SUN2: variants seen among roughly 807,000 people sequenced by gnomAD.
SUN2 encodes Sad1 and UNC84 domain containing 2.
In SUN2, 60 loss-of-function variants were observed where a neutral mutation model predicts 100.0. The observed-to-expected ratio is 0.60, with a 90% CI of 0.49 to 0.74. SUN2 has a LOEUF of 0.74. SUN2 is among the 30% of genes least tolerant of loss of function. The pLI, the probability that SUN2 is intolerant of heterozygous loss-of-function variation, is 0.00. For synonymous variants in SUN2, 367 were observed against 403.3 expected (o/e 0.91, Z 1.08); for missense variants, 834 against 954.6 (o/e 0.87, Z 1.66).
intron 8 of SUN2, among the ~76,000 whole-genome samples, chr22:38,744,264 A>C (rs1785150752): frequency 1.4e-5 from 2 of 144,790 alleles, no homozygotes; most frequent in Non-Finnish European, 3.0e-5. Context: ...TCTGTCTCAA[A>C]AAAAAAAAAA....
intron 6 of SUN2, 28 bp downstream of exon 6, chr22:38,749,738 T>A: frequency 6.2e-7 from 1 of 1,609,272 alleles, no homozygotes; most frequent in Non-Finnish European, 8.5e-7. Flanking sequence ...GCCTTGCGAT[T>A]TATTGGCAAG....
chr22:38,751,488 T>C, intron 2 of SUN2, 115 bp from the exon 3 acceptor site: 1 of 1,154,862 alleles, frequency 8.7e-7, no homozygotes, highest in Non-Finnish European at 1.2e-6. Context: ...GTTCCCTTGT[T>C]GCTAGGCAAC....
At chr22:38,749,487 C>T (rs1285309902) in intron 6 of SUN2, among the ~76,000 whole-genome samples, 1 of 152,202 alleles carries the variant, frequency 6.6e-6, no homozygotes, top group Admixed American at 6.5e-5. Context: ...CACGGCTAGA[C>T]TAGTGTGGCG....
At chr22:38,750,461 A>G (rs1168152154) in intron 4 of SUN2, 141 bp from the exon 5 acceptor site, 1 of 1,474,682 alleles carries the variant, frequency 6.8e-7, no homozygotes. Flanking sequence ...GCAGTAAGGA[A>G]TGAAATGGGA....
intron 8 of SUN2, among the ~76,000 whole-genome samples, 181 bp downstream of exon 8, chr22:38,745,503 G>A (rs1035998321): frequency 2.0e-5 from 3 of 152,252 alleles, no homozygotes; most frequent in Non-Finnish European, 4.4e-5. Context: ...AAGGAACAAA[G>A]CAGACAAGAT....
rs1266085388 is a variant in SUN2 at position 38,737,343 on chromosome 22, A to G, written c.2040+830T>C. 6.6e-6 allele frequency among the ~76,000 whole-genome samples: 1 copy of G among 151,066 alleles called. No individual in the cohort carries two copies. Among genetic ancestry groups the G allele is most frequent in the African/African-American group, 2.4e-5 (1 of 41,042 alleles). On this transcript the variant is annotated intron_variant, in intron 17 of 17. Transcript: ENST00000689035. This position sits in a 1 kb window ranked among gnomAD's most constrained non-coding sequence, Gnocchi z 4.1. ...TGGCTTCTTCCTCCCACCCCATCCAACTGGACATTCACGACCCTCCCTGCT... is the reference window on the plus strand; with the variant it reads ...TGGCTTCTTCCTCCCACCCCATCCAGCTGGACATTCACGACCCTCCCTGCT...
chr22:38,743,745 C>T (rs1282471246), intron 8 of SUN2: 1 of 152,066 alleles, frequency 6.6e-6, no homozygotes, highest in Non-Finnish European at 1.5e-5. Context: ...ATTTTTTTAA[C>T]TTACCCTTTT....
chr22:38,739,662 C>T lies in SUN2; in HGVS notation c.1578+60G>A. The T allele has an allele frequency of 5.7e-6, 9 of 1,575,020 alleles. No individual in the cohort carries two copies. The highest frequency in any genetic ancestry group is 1.2e-5 in the South Asian group (1 of 86,504). On this transcript the variant is annotated intron_variant, in intron 13 of 17. Coordinates refer to ENST00000689035, the MANE Select transcript of SUN2 (RefSeq NM_015374.3). The surrounding 1 kb of genome is among the most constrained non-coding windows in gnomAD (Gnocchi z 6.7). ...AGGGAGCTGGCAGTGTGGGACTGTC[C>T]AGGGCTCCCAGGGAGGAGAGCTGTG...
rs1437155964 is a variant in SUN2 at position 38,739,254 on chromosome 22, T to G, written c.1663+88A>C. Reference sequence around the variant, plus strand: ...TCTGCTGATCCTGAGCTTTGCTTGCTCTGCCCCACCACCAACCTGGTAGAT... The same window carrying G: ...TCTGCTGATCCTGAGCTTTGCTTGCGCTGCCCCACCACCAACCTGGTAGAT... On this transcript the variant is annotated intron_variant, in intron 14 of 17. Coordinates refer to ENST00000689035, the MANE Select transcript of SUN2 (RefSeq NM_015374.3). The surrounding 1 kb of genome is among the most constrained non-coding windows in gnomAD (Gnocchi z 6.7). 7.0e-7 allele frequency: 1 copy of G among 1,426,662 alleles called. No individual in the cohort carries two copies. Among genetic ancestry groups the G allele is most frequent in the East Asian group, 2.3e-5 (1 of 43,912 alleles). The allele number at this position is 1,426,662 out of a possible 1,614,324, so 88.4% of individuals were successfully genotyped here. A position where few individuals can be genotyped will look rare whatever the true frequency, so the allele number is the denominator to read the frequency against.
At position 38,752,563 on chromosome 22, in the gene SUN2, G is replaced by T; in HGVS notation, c.66C>A (p.Ser22Arg). The part of the protein sequence containing the change: ...SQGDDDGSSS[S>R]GGSSVAGSQS... ...GACTCCCAGCCACCGAGCTCCCTCC[G>T]CTGCTGCTGCTGCCGTCATCGTCAC... The change falls in exon 2 of 18, where the codon AGC (serine) becomes AGA (arginine). Residue 22 changes from serine (S) to arginine (R), a missense_variant. Ser to Arg is a moderately radical substitution (Grantham distance 110, BLOSUM62 -1). This residue lies in a region of SUN2 where 559 missense variants were observed against 597.7 expected (regional missense o/e 0.94). Coordinates refer to ENST00000689035, the MANE Select transcript of SUN2 (RefSeq NM_015374.3). The T allele has an allele frequency of 1.2e-6, 2 of 1,612,446 alleles. No individual in the cohort carries two copies. The highest frequency in any genetic ancestry group is 8.5e-7 in the Non-Finnish European group (1 of 1,179,342).
chr22:38,745,914 C>G (rs1427767192), intron 7 of SUN2, 103 bp from the exon 8 acceptor site: 20 of 1,496,758 alleles, frequency 1.3e-5, no homozygotes, highest in Non-Finnish European at 1.6e-5. Context: ...TGGCCTGTCC[C>G]ACTCGTGGAG....
intron 9 of SUN2, among the ~76,000 whole-genome samples, 169 bp from the exon 10 acceptor site, chr22:38,741,740 C>T (rs2092859497): frequency 1.3e-5 from 2 of 152,262 alleles, no homozygotes; most frequent in South Asian, 4.1e-4. Context: ...CCACTGCACA[C>T]CTCTGCGGTG....
chr22:38,749,044 C>A (rs1172567732), intron 6 of SUN2: 4 of 436,920 alleles, frequency 9.2e-6, no homozygotes, highest in East Asian at 3.3e-5. Context: ...TTGAAAAACT[C>A]AAAAATTTTT....
chr22:38,736,357 C>T lies in SUN2; in HGVS notation c.2064G>A (p.Gln688=), dbSNP rs775998616. The T allele has an allele frequency of 1.2e-6, 2 of 1,613,890 alleles. No homozygotes were observed. The highest frequency in any genetic ancestry group is 1.7e-6 in the Non-Finnish European group (2 of 1,179,844). Residue 688 remains glutamine, a synonymous_variant, in exon 18 of 18, where the codon CAG becomes CAA. Transcript: ENST00000689035. ...TAGTCAGGATCCGCAGCTCCACCAC[C>T]TGGTACGTGGCCATCGTAGGGGCCT... ...HFQAPTMATY[Q]VVELRILTNW...
intron 2 of SUN2, among the ~76,000 whole-genome samples, chr22:38,752,288 C>T (rs1180170424): frequency 6.6e-6 from 1 of 152,244 alleles, no homozygotes; most frequent in Non-Finnish European, 1.5e-5. Context: ...ATGAGGGCAG[C>T]AGCCCCGGCT....
Position 38,739,102 on chromosome 22 carries a change from A to T in SUN2, c.1664-114T>A. ...GGCAGATGCCCCAGGCCTAGCCTTT[A>T]ACCCTAACCGAGATGCTCAGAGCAG... On this transcript the variant is annotated intron_variant, in intron 14 of 17. Coordinates refer to ENST00000689035, the MANE Select transcript of SUN2 (RefSeq NM_015374.3). This position sits in a 1 kb window ranked among gnomAD's most constrained non-coding sequence, Gnocchi z 6.7. 1 of 1,115,454 alleles carries T rather than the reference A, an allele frequency of 9.0e-7. No individual in the cohort carries two copies. Among genetic ancestry groups the T allele is most frequent in the Non-Finnish European group, 1.3e-6 (1 of 756,848 alleles). 69.1% of individuals were successfully genotyped at this position (1,115,454 alleles called of 1,614,324 possible).
At position 38,738,402 on chromosome 22, in the gene SUN2, A is replaced by G; in HGVS notation, c.1948-137T>C. ...ACAAGTCACTTCACTCTCTTGTGCC[A>G]CAGTTTCTGCCTCCAAAGCCTAAGG... On this transcript the variant is annotated intron_variant, in intron 16 of 17. Transcript: ENST00000689035. The surrounding 1 kb of genome is among the most constrained non-coding windows in gnomAD (Gnocchi z 6.6). 3 of 1,092,862 alleles carry G rather than the reference A, an allele frequency of 2.7e-6. No homozygotes were observed. Among genetic ancestry groups the G allele is most frequent in the Non-Finnish European group, 4.0e-6 (3 of 756,064 alleles). 67.7% of individuals were successfully genotyped at this position (1,092,862 alleles called of 1,614,324 possible).
chr22:38,748,902 G>C, intron 6 of SUN2, 119 bp from the exon 7 acceptor site: 1 of 1,011,666 alleles, frequency 9.9e-7, no homozygotes, highest in Non-Finnish European at 1.5e-6. Context: ...TAGAGCTAAG[G>C]AGGATAGCTT....
At position 38,740,058 on chromosome 22, in the gene SUN2, G is replaced by A. The variant is rs2092841262; in HGVS notation, c.1357-115C>T. On this transcript the variant is annotated intron_variant, in intron 12 of 17. Coordinates refer to ENST00000689035, the MANE Select transcript of SUN2 (RefSeq NM_015374.3). This position sits in a 1 kb window ranked among gnomAD's most constrained non-coding sequence, Gnocchi z 4.8. ...GGATAGGGTAGGAGGGAGGCCACTG[G>A]AGGAAAGAGTTATGAACACTCCATG... 9 of 1,312,826 alleles carry A rather than the reference G, an allele frequency of 6.9e-6. 1 individual carries two copies. In the South Asian group the frequency reaches 1.2e-4, roughly 18 times the overall value. 81.3% of individuals were successfully genotyped at this position (1,312,826 alleles called of 1,614,324 possible).
Sources: allele counts gnomAD v4.1 joint callset (sites outside exome capture counted in the v4.1 genomes callset), GRCh38; gene constraint gnomAD v4.1.1; regional missense constraint gnomAD v4.1.1; non-coding constraint Gnocchi (gnomAD v3.1); transcripts MANE v1.5; gene names NCBI Gene and HGNC (gene_info 2026-07-23, HGNC 2026-07-21).